The following DDX10 variants were observed in gnomAD, a reference collection of about 807,000 sequenced individuals.
DDX10 encodes the protein probable ATP-dependent RNA helicase DDX10.
In DDX10, 74 loss-of-function variants were observed where a neutral mutation model predicts 104.3. The ratio of observed to expected loss-of-function variants is 0.71; its 90% CI spans 0.59 to 0.86. The LOEUF is 0.86. Among genes scored for constraint, DDX10 ranks in the 40% least tolerant of loss-of-function variants. The pLI is 0.00. For synonymous variants in DDX10, 351 were observed against 353.4 expected, an observed-to-expected ratio of 0.99 and a Z score of 0.08; for missense variants, 952 against 1,040.0, an observed-to-expected ratio of 0.92 and a Z score of 1.16.
At position 108,888,209 on chromosome 11, in the gene DDX10, TA is replaced by T. The variant is rs369912232; in HGVS notation, c.2305-29656del. On this transcript the variant is annotated intron_variant, in intron 16 of 17. Transcript: ENST00000322536. Reference sequence around the variant, plus strand: ...TTATTTTTCTGGAGGCCATAAACCATAAAAAAAACCTCTCTGTATTGAATGT... The same window carrying T: ...TTATTTTTCTGGAGGCCATAAACCATAAAAAAACCTCTCTGTATTGAATGT... Among the ~76,000 whole-genome samples, 8 of 151,828 alleles carry T rather than the reference TA, an allele frequency of 5.3e-5. No individual in the cohort carries two copies. In the South Asian group the frequency reaches 1.2e-3, roughly 24 times the overall value.
intron 13 of DDX10, among the ~76,000 whole-genome samples, chr11:108,830,634 G>A (rs935642746): frequency 2.0e-5 from 3 of 152,012 alleles, no homozygotes; most frequent in African/African-American, 7.2e-5. Flanking sequence ...CAGTTCTCAG[G>A]GGGGGAATGC....
chr11:108,842,130 T>C (rs1022529134), intron 15 of DDX10, among the ~76,000 whole-genome samples: 6 of 152,176 alleles, frequency 3.9e-5, no homozygotes, highest in African/African-American at 1.4e-4. Flanking sequence ...GCATGTGCCC[T>C]TGTGGTCTTG....
At chr11:108,793,758 T>C (rs1861902103) in intron 13 of DDX10, among the ~76,000 whole-genome samples, 1 of 152,178 alleles carries the variant, frequency 6.6e-6, no homozygotes, top group Non-Finnish European at 1.5e-5. Context: ...GTTTGAGTTA[T>C]TCCTTCTATC....
chr11:108,748,180 G>C (rs1293726928), intron 13 of DDX10, among the ~76,000 whole-genome samples: 2 of 152,194 alleles, frequency 1.3e-5, no homozygotes, highest in African/African-American at 4.8e-5. Context: ...CACAGCCACA[G>C]GGTGGAAGGC....
chr11:108,779,480 G>A (rs1192288765), intron 13 of DDX10, among the ~76,000 whole-genome samples: 2 of 150,360 alleles, frequency 1.3e-5, no homozygotes, highest in Non-Finnish European at 3.0e-5. Flanking sequence ...GGTGGGAATT[G>A]AACAATGAGA....
At chr11:108,804,719 A>G (rs1862073549) in intron 13 of DDX10, among the ~76,000 whole-genome samples, 1 of 152,090 alleles carries the variant, frequency 6.6e-6, no homozygotes, top group Non-Finnish European at 1.5e-5. Flanking sequence ...GCTCATTCAT[A>G]TTATTGGCAG....
intron 16 of DDX10, among the ~76,000 whole-genome samples, chr11:108,871,767 A>G (rs1222926310): frequency 5.3e-5 from 8 of 152,144 alleles, no homozygotes; most frequent in Admixed American, 3.9e-4. Flanking sequence ...CATCTCTACT[A>G]AAAATACAAA....
intron 12 of DDX10, among the ~76,000 whole-genome samples, chr11:108,720,351 C>T (rs567278976): frequency 5.9e-5 from 9 of 152,270 alleles, no homozygotes; most frequent in South Asian, 4.1e-4. Context: ...ATAGTTTTCT[C>T]GTTCTCTGAA....
intron 16 of DDX10, among the ~76,000 whole-genome samples, chr11:108,867,322 G>A (rs1863019456): frequency 6.6e-6 from 1 of 152,174 alleles, no homozygotes; most frequent in African/African-American, 2.4e-5. Flanking sequence ...TCATGTTTAA[G>A]TATTTTTGCA....
At chr11:108,912,618 C>T (rs542084892) in intron 16 of DDX10, among the ~76,000 whole-genome samples, 1 of 152,256 alleles carries the variant, frequency 6.6e-6, no homozygotes, top group South Asian at 2.1e-4. Context: ...TAACTGGGAA[C>T]GGTGTCAGGC....
At chr11:108,849,893 G>A (rs1035622918) in intron 15 of DDX10, among the ~76,000 whole-genome samples, 5 of 151,866 alleles carry the variant, frequency 3.3e-5, no homozygotes, top group South Asian at 2.1e-4. Context: ...GTCATAAACC[G>A]TCTTTAGAAA....
At position 108,691,993 on chromosome 11, in the gene DDX10, A is replaced by G. The variant is rs1392266099; in HGVS notation, c.1093A>G (p.Arg365Gly). Residue 365 changes from arginine to glycine, a missense_variant, in exon 8 of 18, where the codon AGA (arginine) becomes GGA (glycine). Arg to Gly is a moderately radical substitution (Grantham distance 125, BLOSUM62 -2). This residue lies in a region of DDX10 where 412 missense variants were observed against 479.2 expected (regional missense o/e 0.86). Coordinates refer to ENST00000322536, the MANE Select transcript of DDX10 (RefSeq NM_004398.4). ...AGTCTATAATGAGTTTGTCCGTAAGAGAGCTGCAGTACTCTTTGCTACTGA... is the reference window on the plus strand; with the variant it reads ...AGTCTATAATGAGTTTGTCCGTAAGGGAGCTGCAGTACTCTTTGCTACTGA... ...MEVYNEFVRK[R>G]AAVLFATDIA... The G allele has an allele frequency of 6.2e-7, 1 of 1,613,910 alleles. No individual in the cohort carries two copies. Among genetic ancestry groups the G allele is most frequent in the Admixed American group, 1.7e-5 (1 of 59,982 alleles).
rs771393860 is a variant in DDX10, at chr11:108,678,406, CTT to C, written c.632_633del (p.Phe211SerfsTer11). On this transcript the variant is annotated frameshift_variant, in exon 5 of 18. Transcript: ENST00000322536. LOFTEE classifies it high-confidence loss of function. ...CTTCAACACATGGATGAAACAGTAT[CTT>C]TTCATGCTACCGACCTCCAAATGTT... The C allele has an allele frequency of 1.9e-6, 3 of 1,609,808 alleles. No individual in the cohort carries two copies. The highest frequency in any genetic ancestry group is 1.3e-5 in the African/African-American group (1 of 74,656).
chr11:108,672,338 C>G (rs372714362), intron 1 of DDX10, among the ~76,000 whole-genome samples: 11 of 152,240 alleles, frequency 7.2e-5, no homozygotes, highest in South Asian at 2.1e-4. Context: ...GATAATACCA[C>G]GAGTGCTAGA....
At chr11:108,852,373 A>G (rs1452073454) in intron 16 of DDX10, among the ~76,000 whole-genome samples, 164 bp downstream of exon 16, 1 of 152,234 alleles carries the variant, frequency 6.6e-6, no homozygotes, top group Non-Finnish European at 1.5e-5. Flanking sequence ...TGATATTCCA[A>G]TTGGATTCAA....
chr11:108,902,236 A>AT (rs201849728), intron 16 of DDX10, among the ~76,000 whole-genome samples: 1,696 of 152,268 alleles, frequency 0.011, 39 homozygotes, highest in African/African-American at 0.037. Flanking sequence ...AATATATCTA[A>AT]ACAGCAGCAT....
Position 108,677,219 on chromosome 11 carries a change from A to T in DDX10, c.513A>T (p.Ser171=), listed in dbSNP as rs2094226776. Residue 171 remains serine (S), a synonymous_variant, in exon 4 of 18, where the codon TCA becomes TCT. Transcript: ENST00000322536. ...AAGTAGGAAAGAATCATGACTTCTC[A>T]GCTGGTCTCATCATTGGTGGAAAGG... ...LRKVGKNHDF[S]AGLIIGGKDL... The T allele has an allele frequency of 6.2e-7, 1 of 1,613,812 alleles. No individual in the cohort carries two copies. Among genetic ancestry groups the T allele is most frequent in the Middle Eastern group, 1.7e-4 (1 of 6,060 alleles).
intron 16 of DDX10, among the ~76,000 whole-genome samples, chr11:108,913,577 T>G (rs568143494): frequency 1.3e-5 from 2 of 152,272 alleles, no homozygotes; most frequent in South Asian, 4.1e-4. Flanking sequence ...GCTATCTTAT[T>G]TAGGAATAAA....
At chr11:108,821,202 A>G (rs1360792819) in intron 13 of DDX10, among the ~76,000 whole-genome samples, 1 of 152,228 alleles carries the variant, frequency 6.6e-6, no homozygotes, top group Non-Finnish European at 1.5e-5. Context: ...AGAAGGTGAT[A>G]AGTCTCAAGT....
Sources: allele counts gnomAD v4.1 joint callset (sites outside exome capture counted in the v4.1 genomes callset), GRCh38; gene constraint gnomAD v4.1.1; regional missense constraint gnomAD v4.1.1; transcripts MANE v1.5; gene names NCBI Gene and HGNC (gene_info 2026-07-23, HGNC 2026-07-21).